The following FLNA variants were observed in gnomAD, a reference collection of about 807,000 sequenced individuals.
FLNA encodes filamin A.
In FLNA, 7 loss-of-function variants were observed where a neutral mutation model predicts 157.6. The observed-to-expected ratio is 0.04, with a 90% CI of 0.03 to 0.08. FLNA has a LOEUF of 0.08. Ranked by LOEUF, FLNA falls within the 10% of genes least tolerant of loss-of-function variation. FLNA has a pLI of 1.00. For missense variants in FLNA, 1,750 were observed against 2,398.4 expected (o/e 0.73, Z 5.65); for synonymous variants, 1,103 against 1,060.8 (o/e 1.04, Z -0.77).
In FLNA at chrX:154,362,318, G is replaced by A. The variant is rs782256220; in HGVS notation, c.2580C>T (p.Ser860=). ...VLFADQATPT[S]PIRVKVEPSH... ...AGGGCTCCACCTTGACTCGGATGGG[G>A]CTGGTGGGCGTGGCCTGCAGGCAGT... The change falls in exon 18 of 48, where the codon AGC becomes AGT. Residue 860 remains serine (S), a synonymous_variant. Transcript: ENST00000369850. 1 of 1,211,256 alleles carries A rather than the reference G, an allele frequency of 8.3e-7. No homozygotes were observed. Among genetic ancestry groups the A allele is most frequent in the African/African-American group, 1.7e-5 (1 of 57,885 alleles).
chrX:154,353,487 C>T (rs1279541195), intron 36 of FLNA, 30 bp from the exon 37 acceptor site: 3 of 1,210,590 alleles, frequency 2.5e-6, no homozygotes, highest in Non-Finnish European at 2.2e-6. Context: ...CATCAGTGTG[C>T]GTCCAGCCAT....
chrX:154,353,146 G>C lies in FLNA; in HGVS notation c.6081C>G (p.Gly2027=), dbSNP rs1557176147. The C allele has an allele frequency of 3.3e-6, 4 of 1,211,557 alleles. No homozygotes were observed. The highest frequency in any genetic ancestry group is 3.4e-6 in the Non-Finnish European group (3 of 895,479). ...GEHLVHVKKN[G]QHVASSPIPV... ...GGATGGGGCTGCTGGCCACGTGCTGGCCATTTTTCTTCACATGCACCAGGT... is the reference window on the plus strand; with the variant it reads ...GGATGGGGCTGCTGGCCACGTGCTGCCCATTTTTCTTCACATGCACCAGGT... Residue 2027 remains glycine (G), a synonymous_variant, in exon 38 of 48, where the codon GGC becomes GGG. Transcript: ENST00000369850.
At position 154,352,436 on chromosome X, in the gene FLNA, G is replaced by T; in HGVS notation, c.6514C>A (p.Gln2172Lys). ...CTGGTCACCTGGGCTGTCATATCCT[G>T]GATGCTAATTTCTGCAGGGTGGGGA... ...LSLKIPEISI[Q>K]DMTAQVTSPS... The change falls in exon 41 of 48, where the codon CAG (glutamine) becomes AAG (lysine). Residue 2172 changes from glutamine (Q) to lysine (K), a missense_variant. Around this residue, in one of 5 missense-constraint regions of FLNA, gnomAD observed 970 missense variants for 1,302.6 expected, o/e 0.74. Transcript: ENST00000369850. 1.7e-6 allele frequency: 2 copies of T among 1,211,772 alleles called. No individual in the cohort carries two copies. The highest frequency in any genetic ancestry group is 2.3e-4 in the Middle Eastern group (1 of 4,350).
In FLNA at chrX:154,350,055, C is replaced by T. The variant is rs1557175428; in HGVS notation, c.7309G>A (p.Ala2437Thr). 8.3e-7 allele frequency: 1 copy of T among 1,211,913 alleles called. No homozygotes were observed. The highest frequency in any genetic ancestry group is 2.2e-5 in the Admixed American group (1 of 46,148). Residue 2437 changes from alanine (A) to threonine (T), a missense_variant, in exon 45 of 48, where the codon GCA (alanine) becomes ACA (threonine). This residue lies in a region of FLNA where 970 missense variants were observed against 1,302.6 expected (regional missense o/e 0.74). Transcript: ENST00000369850. Reference protein sequence around the residue: ...GDPGLVSAYGAGLEGGVTGNP... With the variant: ...GDPGLVSAYGTGLEGGVTGNP... ...CCTGTGACACCGCCTTCCAGACCTG[C>T]TCCGTAAGCAGACACCAAGCCTGGG...
At chrX:154,368,979 G>A (rs1418954653) in intron 2 of FLNA, among the ~76,000 whole-genome samples, 1 of 113,189 alleles carries the variant, frequency 8.8e-6, no homozygotes, top group East Asian at 2.8e-4. Flanking sequence ...AACCCTGCTG[G>A]GCTCTGGGCC....
At position 154,353,739 on chromosome X, in the gene FLNA, C is replaced by T; in HGVS notation, c.5687-12G>A. The T allele has an allele frequency of 1.7e-6, 2 of 1,205,742 alleles. No homozygotes were observed. The highest frequency in any genetic ancestry group is 2.2e-6 in the Non-Finnish European group (2 of 892,153). ...CAGAGACAGGCCCCCTGGAGAGAGCCGTGGGTGAGCATGGGAACTATGCTG... is the reference window on the plus strand; with the variant it reads ...CAGAGACAGGCCCCCTGGAGAGAGCTGTGGGTGAGCATGGGAACTATGCTG... On this transcript the variant is annotated splice_polypyrimidine_tract_variant and intron_variant, in intron 35 of 47. Transcript: ENST00000369850.
In FLNA at chrX:154,366,136, G is replaced by C. The variant is rs1161164281; in HGVS notation, c.1317C>G (p.Asp439Glu). 8.3e-7 allele frequency: 1 copy of C among 1,209,102 alleles called. No homozygotes were observed. Among genetic ancestry groups the C allele is most frequent in the African/African-American group, 1.7e-5 (1 of 57,464 alleles). Residue 439 changes from aspartate to glutamate, a missense_variant, in exon 9 of 48, where the codon GAC (aspartate) becomes GAG (glutamate). This residue lies in a region of FLNA where 648 missense variants were observed against 805.8 expected (regional missense o/e 0.80). Transcript: ENST00000369850. ...TVEPQLEARG[D>E]STYRCSYQPT... ...GCTGGTAGCTGCAGCGGTATGTGCT[G>C]TCGCCCCGGGCCTCCAGCTGAGGCT...
At position 154,352,776 on chromosome X, in the gene FLNA, C is replaced by G. The variant is rs953354307; in HGVS notation, c.6375G>C (p.Val2125=). Residue 2125 remains valine (V), a synonymous_variant, in exon 39 of 48, where the codon GTG becomes GTC. Coordinates refer to ENST00000369850, the MANE Select transcript of FLNA (RefSeq NM_001110556.2). ...CCGAGGCACTGCTGCACTCACCAGG[C>G]ACGTGCTGGTCGGCAAACTTGATGT... ...IINIKFADQH[V]PGSPFSVKVT... 2 of 1,210,946 alleles carry G rather than the reference C, an allele frequency of 1.7e-6. No homozygotes were observed. Among genetic ancestry groups the G allele is most frequent in the African/African-American group, 3.5e-5 (2 of 57,573 alleles).
chrX:154,350,382 G>C (rs782539996), intron 44 of FLNA, 175 bp from the exon 45 acceptor site: 1 of 461,326 alleles, frequency 2.2e-6, no homozygotes, highest in South Asian at 3.2e-5. Context: ...CGAAGGTTTA[G>C]ACACTCAAGC....
At chrX:154,368,724 AGTTGG>A (rs1281632466) in intron 2 of FLNA, among the ~76,000 whole-genome samples, 2 of 112,626 alleles carry the variant, frequency 1.8e-5, no homozygotes, top group African/African-American at 6.5e-5. Context: ...TCAAGCTTGG[AGTTGG>A]GAGGCCACAG....
Position 154,364,151 on chromosome X carries a change from G to A in FLNA, c.2151C>T (p.Cys717=). The change falls in exon 15 of 48, where the codon TGC becomes TGT. Residue 717 remains cysteine (C), a synonymous_variant. Coordinates refer to ENST00000369850, the MANE Select transcript of FLNA (RefSeq NM_001110556.2). Reference sequence around the variant, plus strand: ...TGTCCTTGACCAACGCCTCCACAGGGCAGCCTTCATTGTCCTGTCAGGCAG... The same window carrying A: ...TGTCCTTGACCAACGCCTCCACAGGACAGCCTTCATTGTCCTGTCAGGCAG... ...LRVQVQDNEG[C]PVEALVKDNG... is the part of the protein sequence containing the mutation. 2 of 1,211,182 alleles carry A rather than the reference G, an allele frequency of 1.7e-6. No individual in the cohort carries two copies. Among genetic ancestry groups the A allele is most frequent in the Admixed American group, 4.3e-5 (2 of 46,052 alleles).
rs1557180196 is a variant in FLNA, at chrX:154,371,049, T to C, written c.197A>G (p.Asn66Ser). The change falls in exon 2 of 48, where the codon AAC (asparagine) becomes AGC (serine). Residue 66 changes from asparagine to serine, a missense_variant. This residue lies in a region of FLNA where 71 missense variants were observed against 239.5 expected (regional missense o/e 0.30). Transcript: ENST00000369850. ...HLKCVSKRIANLQTDLSDGLR... is the reference protein window; with the variant it reads ...HLKCVSKRIASLQTDLSDGLR... ...CCCGTCGCTCAGGTCCGTCTGCAGGTTGGCGATGCGCTTGCTCACGCACTT... is the reference window on the plus strand; with the variant it reads ...CCCGTCGCTCAGGTCCGTCTGCAGGCTGGCGATGCGCTTGCTCACGCACTT... 8.3e-7 allele frequency: 1 copy of C among 1,206,581 alleles called. No homozygotes were observed.
rs999834440 is a variant in FLNA at position 154,367,293 on chromosome X, C to T, written c.868+104G>A. 5.6e-5 allele frequency: 52 copies of T among 925,365 alleles called. No homozygotes were observed. The East Asian group carries it at 1.3e-3, about 23-fold the overall frequency. 76.3% of individuals were successfully genotyped at this position (925,365 alleles called of 1,213,427 possible). ...CTCTTGGGTGGCTTGATCACCTAGCCGCCATGTAACCCAAGACCCCTGGGG... is the reference window on the plus strand; with the variant it reads ...CTCTTGGGTGGCTTGATCACCTAGCTGCCATGTAACCCAAGACCCCTGGGG... On this transcript the variant is annotated intron_variant, in intron 5 of 47. Coordinates refer to ENST00000369850, the MANE Select transcript of FLNA (RefSeq NM_001110556.2).
At chrX:154,361,812 G>A (rs782004509) in intron 19 of FLNA, 25 bp from the exon 20 acceptor site, 20 of 1,151,874 alleles carry the variant, frequency 1.7e-5, no homozygotes, top group Non-Finnish European at 2.3e-5. Flanking sequence ...GAAGGGAAGG[G>A]GGTATTTAGA....
intron 42 of FLNA, 68 bp downstream of exon 42, chrX:154,351,816 T>A: frequency 8.5e-7 from 1 of 1,172,983 alleles, no homozygotes. Flanking sequence ...GGGCTATCTG[T>A]GCCAGCCCTG....
rs863223618 is a variant in FLNA at position 154,365,211 on chromosome X, C to T, written c.1616G>A (p.Gly539Asp). 21 of 1,211,359 alleles carry T rather than the reference C, an allele frequency of 1.7e-5. No individual in the cohort carries two copies. Among genetic ancestry groups the T allele is most frequent in the Non-Finnish European group, 2.1e-5 (19 of 895,118 alleles). The change falls in exon 11 of 48, where the codon GGC becomes GAC. Residue 539 changes from glycine (G) to aspartate (D), a missense_variant. Coordinates refer to ENST00000369850, the MANE Select transcript of FLNA (RefSeq NM_001110556.2). ...KQKDLGDGVY[G>D]FEYYPMVPGT... Reference sequence around the variant, plus strand: ...AGGGACCATGGGGTAATACTCGAAGCCATACACGCCATCCCCCAGGTCCTT... The same window carrying T: ...AGGGACCATGGGGTAATACTCGAAGTCATACACGCCATCCCCCAGGTCCTT...
At chrX:154,369,854 G>T (rs1226310398) in intron 2 of FLNA, among the ~76,000 whole-genome samples, 1 of 112,241 alleles carries the variant, frequency 8.9e-6, no homozygotes, top group Non-Finnish European at 1.9e-5. Flanking sequence ...GTGGCTGGGG[G>T]AACCCAAGTC....
rs2070819 is a variant in FLNA, at chrX:154,349,931, A to G, written c.7334-64T>C. 0.14 allele frequency: 165,010 copies of G among 1,185,740 alleles called. 11,012 individuals carry two copies. The highest frequency in any genetic ancestry group is 0.48 in the African/African-American group (27,427 of 56,592). On this transcript the variant is annotated intron_variant, in intron 45 of 47. Coordinates refer to ENST00000369850, the MANE Select transcript of FLNA (RefSeq NM_001110556.2). ...GCCTCCCTGTCCTCGGCCACCCAGC[A>G]CAGGCTTGTCACCTCCAGGTGCCTC...
chrX:154,364,553 G>A lies in FLNA; in HGVS notation c.1995C>T (p.Asp665=), dbSNP rs368889011. The A allele has an allele frequency of 8.3e-6, 10 of 1,208,079 alleles. No individual in the cohort carries two copies. The highest frequency in any genetic ancestry group is 4.4e-5 in the Admixed American group (2 of 45,692). Reference sequence around the variant, plus strand: ...TGTCTGGGTGGAAGTCCTGGGGCGCGTCACGGATGTCAGCCATGAAGGGGC... The same window carrying A: ...TGTCTGGGTGGAAGTCCTGGGGCGCATCACGGATGTCAGCCATGAAGGGGC... ...RLSPFMADIR[D]APQDFHPDRV... The change falls in exon 13 of 48, where the codon GAC becomes GAT. Residue 665 remains aspartate (D), a synonymous_variant. Transcript: ENST00000369850.
Sources: allele counts gnomAD v4.1 joint callset (sites outside exome capture counted in the v4.1 genomes callset), GRCh38; gene constraint gnomAD v4.1.1; regional missense constraint gnomAD v4.1.1; transcripts MANE v1.5; gene names NCBI Gene and HGNC (gene_info 2026-07-23, HGNC 2026-07-21).